The following TRPM3 variants were observed in gnomAD, a reference collection of about 807,000 sequenced individuals.
TRPM3 encodes long transient receptor potential channel 3.
TRPM3 carries 77 observed loss-of-function variants against 181.2 expected under a neutral mutation model. The observed-to-expected ratio is 0.42, with a 90% CI of 0.35 to 0.51. The LOEUF is 0.51. Ranked by LOEUF, TRPM3 falls within the 20% of genes least tolerant of loss-of-function variation. The pLI is 0.01. For synonymous variants in TRPM3, 745 were observed against 796.4 expected, an observed-to-expected ratio of 0.94 and a Z score of 1.09; for missense variants, 1,759 against 2,196.7, an observed-to-expected ratio of 0.80 and a Z score of 3.98.
At chr9:70,865,753 C>T (rs745359806) in intron 1 of TRPM3, among the ~76,000 whole-genome samples, 19 of 152,000 alleles carry the variant, frequency 1.3e-4, no homozygotes, top group Non-Finnish European at 2.6e-4. Flanking sequence ...CGTGACAGTG[C>T]ACATTTTACA....
chr9:71,050,129 G>A (rs2059906436), intron 1 of TRPM3, among the ~76,000 whole-genome samples: 1 of 152,134 alleles, frequency 6.6e-6, no homozygotes, highest in Non-Finnish European at 1.5e-5. Context: ...TCTATGAAGT[G>A]CTCCCCTCAG....
intron 1 of TRPM3, among the ~76,000 whole-genome samples, chr9:71,297,853 C>G (rs556507896): frequency 6.6e-6 from 1 of 152,172 alleles, no homozygotes; most frequent in Non-Finnish European, 1.5e-5. Context: ...GACCACTTGA[C>G]TGCCCAATTT....
chr9:70,844,584 T>A (rs1444354116), intron 4 of TRPM3, among the ~76,000 whole-genome samples: 1 of 152,230 alleles, frequency 6.6e-6, no homozygotes, highest in African/African-American at 2.4e-5. Flanking sequence ...ACAAGAAGTT[T>A]AACGTTATGG....
At chr9:70,743,292 T>C (rs1230517966) in intron 8 of TRPM3, among the ~76,000 whole-genome samples, 1 of 152,228 alleles carries the variant, frequency 6.6e-6, no homozygotes, top group Non-Finnish European at 1.5e-5. Flanking sequence ...TTGTATAATC[T>C]TCACCTTTTT....
chr9:71,444,156 C>A (rs373997018), intron 1 of TRPM3, among the ~76,000 whole-genome samples: 2 of 128,062 alleles, frequency 1.6e-5, no homozygotes, highest in East Asian at 2.2e-4. Flanking sequence ...TCCAGCCTGG[C>A]GACAGAGCAA....
chr9:71,018,995 T>C (rs1270274844), intron 1 of TRPM3, among the ~76,000 whole-genome samples: 1 of 151,982 alleles, frequency 6.6e-6, no homozygotes, highest in Non-Finnish European at 1.5e-5. Context: ...TTCAAAATTA[T>C]ATTAATTCAC....
chr9:70,858,530 A>T (rs1435120204), intron 3 of TRPM3, among the ~76,000 whole-genome samples: 1 of 152,180 alleles, frequency 6.6e-6, no homozygotes, highest in Non-Finnish European at 1.5e-5. Context: ...TTCAAAGTGG[A>T]CAAAATGCTT....
intron 7 of TRPM3, among the ~76,000 whole-genome samples, chr9:70,767,943 G>C (rs551642026): frequency 6.6e-6 from 1 of 152,110 alleles, no homozygotes; most frequent in Non-Finnish European, 1.5e-5. Flanking sequence ...CTTGATTATT[G>C]TAACAAGTCA....
In TRPM3 at chr9:70,827,884, T is replaced by G. The variant is rs747723802; in HGVS notation, c.936A>C (p.Gln312His). Residue 312 changes from glutamine (Q) to histidine (H), a missense_variant, in exon 6 of 26, where the codon CAA becomes CAC. Around this residue, in one of 8 missense-constraint regions of TRPM3, gnomAD observed 737 missense variants for 957.4 expected, o/e 0.77. Transcript: ENST00000677713. ...TCTGGAGTGAAATATGCTTTTCCAG[T>G]TGTCTTCGAAGTTTCACCTCTGCTC... ...KYGAEVKLRRQLEKHISLQKI... is the reference protein window; with the variant it reads ...KYGAEVKLRRHLEKHISLQKI... The G allele has an allele frequency of 1.2e-6, 2 of 1,614,160 alleles. No homozygotes were observed. Among genetic ancestry groups the G allele is most frequent in the East Asian group, 2.2e-5 (1 of 44,872 alleles).
intron 25 of TRPM3, among the ~76,000 whole-genome samples, chr9:70,546,682 A>C (rs1185745492): frequency 6.6e-6 from 1 of 152,050 alleles, no homozygotes; most frequent in Non-Finnish European, 1.5e-5. Context: ...ATCGGAAAAA[A>C]AAAAAAAAAA....
chr9:71,446,505 C>T (rs2094205935), intron 1 of TRPM3: 3 of 806,932 alleles, frequency 3.7e-6, no homozygotes, highest in Admixed American at 6.1e-5. Flanking sequence ...TCCTCACAGC[C>T]CCCAGCACTC....
chr9:71,205,305 T>C (rs2079060492), intron 1 of TRPM3, among the ~76,000 whole-genome samples: 1 of 152,178 alleles, frequency 6.6e-6, no homozygotes, highest in African/African-American at 2.4e-5. Context: ...CAAGAACGAT[T>C]ATTTCTATGA....
intron 1 of TRPM3, among the ~76,000 whole-genome samples, chr9:71,413,285 T>G (rs998507365): frequency 6.6e-6 from 1 of 152,080 alleles, no homozygotes. Context: ...TCATATTTAT[T>G]GAGTATTTAG....
At chr9:71,226,304 A>G (rs1445371132) in intron 1 of TRPM3, among the ~76,000 whole-genome samples, 1 of 152,064 alleles carries the variant, frequency 6.6e-6, no homozygotes, top group African/African-American at 2.4e-5. Flanking sequence ...CTGAAAACAA[A>G]TAACATCACA....
intron 1 of TRPM3, among the ~76,000 whole-genome samples, chr9:71,278,654 C>T (rs943887347): frequency 2.0e-5 from 3 of 152,088 alleles, no homozygotes; most frequent in Admixed American, 6.6e-5. Flanking sequence ...TAGGTTGAAC[C>T]GTATGTCCTT....
chr9:70,992,832 T>G (rs770248237), intron 1 of TRPM3, among the ~76,000 whole-genome samples: 6 of 152,172 alleles, frequency 3.9e-5, no homozygotes, highest in Non-Finnish European at 8.8e-5. Context: ...AAATCTTGGA[T>G]ATTGAAAAGT....
chr9:70,795,731 A>T (rs1475155754), intron 6 of TRPM3, among the ~76,000 whole-genome samples: 4 of 152,090 alleles, frequency 2.6e-5, no homozygotes, highest in African/African-American at 9.7e-5. Context: ...CCATAAACCA[A>T]CTCCAAGTGT....
chr9:71,019,397 A>C (rs963876484), intron 1 of TRPM3, among the ~76,000 whole-genome samples: 1 of 152,092 alleles, frequency 6.6e-6, no homozygotes, highest in African/African-American at 2.4e-5. Flanking sequence ...GAATCTGCTA[A>C]GGTCATTATC....
intron 25 of TRPM3, among the ~76,000 whole-genome samples, chr9:70,544,754 A>G (rs965484720): frequency 9.9e-5 from 15 of 151,922 alleles, no homozygotes; most frequent in Admixed American, 3.3e-4. Flanking sequence ...TAAAGGGGGG[A>G]AAAAAAGAAA....
Sources: gnomAD v4.1 joint callset for allele counts (sites outside exome capture counted in the v4.1 genomes callset) on GRCh38, gnomAD v4.1.1 for gene constraint, gnomAD v4.1.1 regional missense constraint, MANE v1.5 for transcripts, NCBI Gene and HGNC (gene_info 2026-07-23, HGNC 2026-07-21) for gene names.